STEAP1B: variants seen among roughly 807,000 people sequenced by gnomAD.
The protein encoded by STEAP1B is STEAP family member 1B.
In STEAP1B, 13 loss-of-function variants were observed where a neutral mutation model predicts 27.9. The observed-to-expected ratio is 0.47, with a 90% CI of 0.30 to 0.74. The LOEUF (loss-of-function observed/expected upper bound fraction) is 0.74. Among genes scored for constraint, STEAP1B ranks in the 30% least tolerant of loss-of-function variants. The pLI is 0.06. For synonymous variants in STEAP1B, 86 were observed against 107.1 expected, an observed-to-expected ratio of 0.80 and a Z score of 1.22; for missense variants, 250 against 298.7, an observed-to-expected ratio of 0.84 and a Z score of 1.20.
intron 4 of STEAP1B, among the ~76,000 whole-genome samples, chr7:22,470,148 C>A (rs1036440674): frequency 2.0e-5 from 3 of 152,086 alleles, no homozygotes; most frequent in Non-Finnish European, 4.4e-5. Flanking sequence ...CCTTGGAGAA[C>A]CAGTTAATTC....
rs1007837430 is a variant in STEAP1B, at chr7:22,450,597, T to C, written c.763-30761A>G. On this transcript the variant is annotated intron_variant, in intron 4 of 4. Transcript: ENST00000678116. ...CTTAGGTAATGTGATTCCTGTAGTT[T>C]TGTTTTTTTTTTTTTGCTTAGGATG... Among the ~76,000 whole-genome samples the C allele has an allele frequency of 5.1e-5, 6 of 118,112 alleles. No homozygotes were observed. In the South Asian group the frequency reaches 8.8e-4, roughly 17 times the overall value. 77.5% of individuals were successfully genotyped at this position (118,112 alleles called of 152,430 possible).
intron 4 of STEAP1B, among the ~76,000 whole-genome samples, chr7:22,475,649 C>T (rs1012225498): frequency 4.6e-5 from 7 of 152,184 alleles, no homozygotes; most frequent in Admixed American, 6.5e-5. Flanking sequence ...AGAGCAATAA[C>T]GAGCTTTCCC....
intron 1 of STEAP1B, among the ~76,000 whole-genome samples, chr7:22,498,536 A>G (rs1410712890): frequency 1.3e-5 from 2 of 152,234 alleles, no homozygotes; most frequent in African/African-American, 2.4e-5. Context: ...TTTATTCAGT[A>G]TGAATTCAGT....
At chr7:22,478,766 T>C (rs1249554439) in intron 4 of STEAP1B, among the ~76,000 whole-genome samples, 4 of 152,218 alleles carry the variant, frequency 2.6e-5, no homozygotes, top group East Asian at 1.9e-4. Flanking sequence ...CATATATCCA[T>C]TGAGCACTTA....
chr7:22,470,457 A>C (rs1217555225), intron 4 of STEAP1B, among the ~76,000 whole-genome samples: 1 of 152,216 alleles, frequency 6.6e-6, no homozygotes, highest in East Asian at 1.9e-4. Flanking sequence ...TCCAATTGAC[A>C]AATGTAGAAG....
intron 4 of STEAP1B, among the ~76,000 whole-genome samples, chr7:22,480,843 C>G (rs1007110548): frequency 1.3e-5 from 2 of 152,202 alleles, no homozygotes; most frequent in African/African-American, 4.8e-5. Flanking sequence ...AGGGCCAGAA[C>G]AGAAGCACTT....
At chr7:22,438,849 A>G in intron 4 of STEAP1B, 12 of 1,306,472 alleles carry the variant, frequency 9.2e-6, no homozygotes, top group Non-Finnish European at 1.2e-5. Context: ...AAAACTGAAT[A>G]CTCTCCTTCA....
chr7:22,462,845 C>T (rs539468720), intron 4 of STEAP1B, among the ~76,000 whole-genome samples: 2 of 150,448 alleles, frequency 1.3e-5, no homozygotes, highest in Non-Finnish European at 3.0e-5. Flanking sequence ...TACAGTCCCA[C>T]CAACAGTGTA....
chr7:22,438,900 G>T (rs1785290611), intron 4 of STEAP1B: 1 of 1,173,934 alleles, frequency 8.5e-7, no homozygotes, highest in Non-Finnish European at 1.1e-6. Flanking sequence ...TTATTATTTG[G>T]TGACATTTTT....
chr7:22,433,199 C>A (rs868513018), intron 4 of STEAP1B, among the ~76,000 whole-genome samples: 1 of 152,150 alleles, frequency 6.6e-6, no homozygotes, highest in Non-Finnish European at 1.5e-5. Flanking sequence ...CCATTCATTG[C>A]ACCCCAAAAG....
chr7:22,471,169 G>A (rs1785876149), intron 4 of STEAP1B, among the ~76,000 whole-genome samples: 1 of 152,136 alleles, frequency 6.6e-6, no homozygotes. Flanking sequence ...GGTGGGCTGC[G>A]CGCCTCAGCA....
At chr7:22,472,498 C>T (rs927208896) in intron 4 of STEAP1B, among the ~76,000 whole-genome samples, 3 of 152,152 alleles carry the variant, frequency 2.0e-5, no homozygotes, top group South Asian at 2.1e-4. Flanking sequence ...TCCATGATGA[C>T]GTAAGAACAG....
intron 4 of STEAP1B, among the ~76,000 whole-genome samples, chr7:22,480,788 C>G (rs1481470372): frequency 6.6e-6 from 1 of 152,158 alleles, no homozygotes; most frequent in African/African-American, 2.4e-5. Flanking sequence ...ATGATCTTTA[C>G]TAGGTGCCAG....
At chr7:22,495,903 T>C (rs1309490989) in intron 1 of STEAP1B, among the ~76,000 whole-genome samples, 1 of 152,210 alleles carries the variant, frequency 6.6e-6, no homozygotes, top group Non-Finnish European at 1.5e-5. Flanking sequence ...TTGCCTAATA[T>C]TTACAATACT....
chr7:22,492,394 A>C, intron 4 of STEAP1B, 171 bp downstream of exon 4: 1 of 796,826 alleles, frequency 1.3e-6, no homozygotes, highest in Non-Finnish European at 1.7e-6. Flanking sequence ...ACTTGTCCTA[A>C]TTAGAAGCAA....
intron 4 of STEAP1B, among the ~76,000 whole-genome samples, chr7:22,433,131 A>G (rs1322962281): frequency 4.0e-5 from 5 of 124,748 alleles, no homozygotes; most frequent in Admixed American, 1.7e-4. Flanking sequence ...TAAATGAGTT[A>G]TTTCACCAAA....
At chr7:22,456,558 A>T (rs773050656) in intron 4 of STEAP1B, among the ~76,000 whole-genome samples, 3 of 152,152 alleles carry the variant, frequency 2.0e-5, no homozygotes, top group Non-Finnish European at 4.4e-5. Flanking sequence ...GTAATCATCT[A>T]TTTCAGATGT....
At chr7:22,475,183 C>T (rs1465985686) in intron 4 of STEAP1B, among the ~76,000 whole-genome samples, 1 of 152,208 alleles carries the variant, frequency 6.6e-6, no homozygotes, top group South Asian at 2.1e-4. Context: ...GGTTCCTATC[C>T]TGGCCTGCGT....
chr7:22,458,378 G>A (rs1785622955), intron 4 of STEAP1B, among the ~76,000 whole-genome samples: 1 of 152,162 alleles, frequency 6.6e-6, no homozygotes, highest in Admixed American at 6.5e-5. Flanking sequence ...AGGAGGAGGA[G>A]TTGATGCCTC....
Sources: gnomAD v4.1 joint callset for allele counts (sites outside exome capture counted in the v4.1 genomes callset) on GRCh38, gnomAD v4.1.1 for gene constraint, MANE v1.5 for transcripts, NCBI Gene and HGNC (gene_info 2026-07-23, HGNC 2026-07-21) for gene names.